Variants in TDRD1 observed in about 807,000 individuals in gnomAD.
The protein encoded by TDRD1 is tudor domain-containing protein 1.
A neutral mutation model predicts 140.6 loss-of-function variants in TDRD1; 37 were observed. The observed-to-expected ratio is 0.26, with a 90% CI of 0.20 to 0.35. TDRD1 has a LOEUF of 0.35. Among genes scored for constraint, TDRD1 ranks in the 10% least tolerant of loss-of-function variants. The pLI is 1.00. For missense variants in TDRD1, 1,243 were observed against 1,393.0 expected (o/e 0.89, Z 1.71); for synonymous variants, 506 against 475.7 (o/e 1.06, Z -0.83).
chr10:114,192,326 C>T (rs1430089186), intron 3 of TDRD1, among the ~76,000 whole-genome samples: 8 of 73,000 alleles, frequency 1.1e-4, no homozygotes, highest in African/African-American at 3.6e-4. Flanking sequence ...TTTTTTGAGA[C>T]GGAGTCTTGC....
At chr10:114,218,263 T>G (rs2035937065) in intron 17 of TDRD1, 151 bp from the exon 18 acceptor site, 2 of 506,126 alleles carry the variant, frequency 4.0e-6, no homozygotes, top group South Asian at 9.4e-5. Flanking sequence ...TTCTAGAGAT[T>G]TTTGAATTTT....
intron 22 of TDRD1, among the ~76,000 whole-genome samples, chr10:114,226,507 A>C (rs181850667): frequency 9.7e-4 from 148 of 152,282 alleles, no homozygotes; most frequent in Non-Finnish European, 1.8e-3. Context: ...AGGATGTGAA[A>C]CAGGGTGTCT....
chr10:114,231,421 T>G, intron 25 of TDRD1: 1 of 1,330,382 alleles, frequency 7.5e-7, no homozygotes, highest in Middle Eastern at 1.8e-4. Flanking sequence ...TATTTGAAAT[T>G]AAAAGCCATA....
exon 25 of TDRD1, chr10:114,228,100 T>C (rs761446013): frequency 6.2e-7 from 1 of 1,600,348 alleles, no homozygotes; most frequent in Non-Finnish European, 8.5e-7. Flanking sequence ...AAAATAAATT[T>C]ATTGAAATGA....
chr10:114,186,403 A>G (rs1174864324), intron 1 of TDRD1, among the ~76,000 whole-genome samples: 6 of 151,986 alleles, frequency 3.9e-5, no homozygotes, highest in Non-Finnish European at 8.8e-5. Flanking sequence ...AGCTGGGACT[A>G]CAGGCACCCG....
chr10:114,231,357 C>T (rs2036745514), intron 25 of TDRD1: 1 of 737,150 alleles, frequency 1.4e-6, no homozygotes, highest in East Asian at 2.8e-5. Flanking sequence ...TCTTAACTGA[C>T]AGGTCTGGCT....
At chr10:114,217,563 A>T in exon 17 of TDRD1, 1 of 1,588,262 alleles carries the variant, frequency 6.3e-7, no homozygotes, top group Non-Finnish European at 8.6e-7. Context: ...AAACTCAATG[A>T]TTTGAACAAG....
At chr10:114,209,517 A>G (rs1450431187) in intron 11 of TDRD1, among the ~76,000 whole-genome samples, 3 of 152,214 alleles carry the variant, frequency 2.0e-5, no homozygotes, top group Non-Finnish European at 2.9e-5. Flanking sequence ...TCTTTTGGAA[A>G]CATTTTAAGA....
intron 1 of TDRD1, chr10:114,180,123 T>A (rs1332593382): frequency 6.6e-6 from 1 of 152,214 alleles, no homozygotes; most frequent in Non-Finnish European, 1.5e-5. Context: ...CCTCAAATTA[T>A]TTTCATCTTA....
intron 2 of TDRD1, 55 bp downstream of exon 2, chr10:114,188,211 A>C: frequency 1.4e-6 from 2 of 1,480,934 alleles, no homozygotes; most frequent in Non-Finnish European, 1.8e-6. Flanking sequence ...TCTGTGACTT[A>C]CCAGAAGTAT....
chr10:114,231,901 T>C (rs912179096), exon 26 of TDRD1: 1 of 176,086 alleles, frequency 5.7e-6, no homozygotes, highest in Non-Finnish European at 1.2e-5. Flanking sequence ...TGAGCTATGA[T>C]AGTGCCACTG....
intron 15 of TDRD1, 94 bp downstream of exon 15, chr10:114,213,682 G>A: frequency 1.8e-6 from 2 of 1,115,928 alleles, no homozygotes; most frequent in Non-Finnish European, 2.6e-6. Flanking sequence ...AATTTATGTT[G>A]AATGCCTTTC....
At chr10:114,193,304 T>TTTTC (rs1486697969) in intron 3 of TDRD1, among the ~76,000 whole-genome samples, 1 of 149,676 alleles carries the variant, frequency 6.7e-6, no homozygotes, top group Non-Finnish European at 1.5e-5. Context: ...TTTTTTTTTT[T>TTTTC]TTTTTTTGAG....
chr10:114,181,547 G>T (rs1341800411), intron 1 of TDRD1, among the ~76,000 whole-genome samples: 3 of 152,208 alleles, frequency 2.0e-5, no homozygotes, highest in African/African-American at 7.2e-5. Flanking sequence ...AGTCTTACTG[G>T]TGTTTTGTAA....
chr10:114,195,328 C>G (rs1015821886), intron 3 of TDRD1, among the ~76,000 whole-genome samples: 1 of 152,118 alleles, frequency 6.6e-6, no homozygotes, highest in Non-Finnish European at 1.5e-5. Flanking sequence ...TTGGGTCAGA[C>G]GACCTATAAA....
At chr10:114,202,208 T>C (rs1400790506) in intron 5 of TDRD1, 30 bp from the exon 6 acceptor site, 8 of 1,568,802 alleles carry the variant, frequency 5.1e-6, no homozygotes, top group Non-Finnish European at 7.0e-6. Flanking sequence ...CTCTGTAGTA[T>C]AAATATTGTA....
intron 1 of TDRD1, among the ~76,000 whole-genome samples, chr10:114,180,235 G>A (rs2032927678): frequency 6.6e-6 from 1 of 152,196 alleles, no homozygotes; most frequent in African/African-American, 2.4e-5. Context: ...CCCTTAGGAA[G>A]TACTAGCCAC....
Position 114,219,675 on chromosome 10 carries a change from C to A in TDRD1, c.2495-893C>A, listed in dbSNP as rs962301452. Among the ~76,000 whole-genome samples, 3 of 151,122 alleles carry A rather than the reference C, an allele frequency of 2.0e-5. No individual in the cohort carries two copies. In the East Asian group the frequency reaches 5.8e-4, roughly 29 times the overall value. On this transcript the variant is annotated intron_variant, in intron 18 of 25. Transcript: ENST00000251864. ...CAATCTCGGCTCACTGCAACCTCTG[C>A]CTCCCAGATTCAAGCGATTCTCCTA...
chr10:114,201,546 G>T (rs80354721), intron 5 of TDRD1, 31 bp downstream of exon 5: 1 of 1,574,880 alleles, frequency 6.3e-7, no homozygotes, highest in South Asian at 1.1e-5. Flanking sequence ...TATTCATTAA[G>T]GATTATGTAA....
Sources: allele counts gnomAD v4.1 joint callset (sites outside exome capture counted in the v4.1 genomes callset), GRCh38; gene constraint gnomAD v4.1.1; transcripts MANE v1.5; gene names NCBI Gene and HGNC (gene_info 2026-07-23, HGNC 2026-07-21).